The following TRERF1 variants were observed in gnomAD, a reference collection of about 807,000 sequenced individuals.
The protein encoded by TRERF1 is transcriptional-regulating factor 1.
Under a neutral mutation model 122.9 loss-of-function variants are expected in TRERF1, and 27 were observed. The ratio of observed to expected loss-of-function variants is 0.22; its 90% CI spans 0.16 to 0.30. TRERF1 has a LOEUF of 0.30. Ranked by LOEUF, TRERF1 falls within the 10% of genes least tolerant of loss-of-function variation. TRERF1 has a pLI of 1.00. For synonymous variants in TRERF1, 636 were observed against 641.7 expected (o/e 0.99, Z 0.13); for missense variants, 1,248 against 1,560.3 (o/e 0.80, Z 3.37).
At chr6:42,320,401 G>T (rs888244358) in intron 3 of TRERF1, among the ~76,000 whole-genome samples, 1 of 152,026 alleles carries the variant, frequency 6.6e-6, no homozygotes, top group Non-Finnish European at 1.5e-5. Context: ...TTCAAGAAGG[G>T]TTGAGATCAA....
chr6:42,236,001 C>T (rs1397306251), intron 16 of TRERF1, among the ~76,000 whole-genome samples: 3 of 152,228 alleles, frequency 2.0e-5, no homozygotes, highest in Non-Finnish European at 2.9e-5. Flanking sequence ...TTCTCCAACA[C>T]GCAGCATCAT....
chr6:42,411,945 A>G (rs1781149485), intron 2 of TRERF1, among the ~76,000 whole-genome samples: 1 of 149,858 alleles, frequency 6.7e-6, no homozygotes, highest in Admixed American at 6.6e-5. Flanking sequence ...TCTGTTTTTC[A>G]TTTGGGGATT....
At chr6:42,444,136 A>G (rs1787040847) in intron 2 of TRERF1, among the ~76,000 whole-genome samples, 1 of 146,074 alleles carries the variant, frequency 6.8e-6, no homozygotes, top group Admixed American at 6.8e-5. Context: ...AGTCCATGGG[A>G]TATTTTTTGT....
At chr6:42,319,892 A>T (rs1203828214) in intron 3 of TRERF1, among the ~76,000 whole-genome samples, 2 of 150,360 alleles carry the variant, frequency 1.3e-5, no homozygotes, top group Non-Finnish European at 3.0e-5. Flanking sequence ...ACATTATATC[A>T]TTATTATTTT....
intron 2 of TRERF1, among the ~76,000 whole-genome samples, chr6:42,430,050 C>T (rs1307699507): frequency 2.0e-5 from 3 of 151,540 alleles, no homozygotes; most frequent in South Asian, 2.1e-4. Context: ...CTGAGGCAAG[C>T]GCATACCAGA....
rs201817030 is a variant in TRERF1 at position 42,269,439 on chromosome 6, G to A, written c.152C>T (p.Ser51Leu). 4.8e-4 allele frequency: 779 copies of A among 1,614,166 alleles called. 1 individual carries two copies. The highest frequency in any genetic ancestry group is 6.1e-4 in the Non-Finnish European group (722 of 1,180,020). Residue 51 changes from serine to leucine, a missense_variant, in exon 5 of 18, where the codon TCG (serine) becomes TTG (leucine). This residue lies in a region of TRERF1 where 946 missense variants were observed against 1,073.0 expected (regional missense o/e 0.88). Coordinates refer to ENST00000372922, the Ensembl canonical transcript of TRERF1. This position sits in a 1 kb window ranked among gnomAD's most constrained non-coding sequence, Gnocchi z 4.9. ...TTGAGGGAAGTGGGGGGAGATTGGC[G>A]AGGCCTGAGGGGCATCCATTCCGCC...
chr6:42,289,724 G>A (rs1783972967), intron 4 of TRERF1, among the ~76,000 whole-genome samples: 1 of 152,162 alleles, frequency 6.6e-6, no homozygotes, highest in South Asian at 2.1e-4. Context: ...GTGTGAAATC[G>A]ACAGGCAGTG....
At chr6:42,248,072 T>C (rs1430646197) in intron 13 of TRERF1, among the ~76,000 whole-genome samples, 1 of 152,152 alleles carries the variant, frequency 6.6e-6, no homozygotes, top group East Asian at 1.9e-4. Flanking sequence ...TCTTTCTTTG[T>C]AGGGTTTGGC....
Position 42,268,677 on chromosome 6 carries a change from T to C in TRERF1, c.914A>G (p.Gln305Arg). The change falls in exon 5 of 18, where the codon CAG becomes CGG. Residue 305 changes from glutamine (Q) to arginine (R), a missense_variant. Gln to Arg is a conservative substitution (Grantham distance 43, BLOSUM62 1). Around this residue, in one of 5 missense-constraint regions of TRERF1, gnomAD observed 946 missense variants for 1,073.0 expected, o/e 0.88. Coordinates refer to ENST00000372922, the Ensembl canonical transcript of TRERF1. This position sits in a 1 kb window ranked among gnomAD's most constrained non-coding sequence, Gnocchi z 4.4. Reference sequence around the variant, plus strand: ...CTGTAGCTGCTGCGGCTGCTGCTGCTGTGGCGGCGGCTGTGGCTGTGATGG... The same window carrying C: ...CTGTAGCTGCTGCGGCTGCTGCTGCCGTGGCGGCGGCTGTGGCTGTGATGG... 6.2e-7 allele frequency: 1 copy of C among 1,614,146 alleles called. No individual in the cohort carries two copies. Among genetic ancestry groups the C allele is most frequent in the South Asian group, 1.1e-5 (1 of 91,078 alleles).
chr6:42,386,588 G>A (rs1158288429), intron 2 of TRERF1, among the ~76,000 whole-genome samples: 1 of 152,186 alleles, frequency 6.6e-6, no homozygotes, highest in Non-Finnish European at 1.5e-5. Flanking sequence ...CTGGATTAGA[G>A]AATTAATGTT....
chr6:42,309,047 C>A (rs949507841), intron 3 of TRERF1, among the ~76,000 whole-genome samples: 10 of 152,070 alleles, frequency 6.6e-5, no homozygotes, highest in Admixed American at 3.3e-4. Context: ...GCTTCCTGGG[C>A]CCTACCATTA....
chr6:42,435,286 G>GA (rs1218232638), intron 2 of TRERF1, among the ~76,000 whole-genome samples: 1 of 152,190 alleles, frequency 6.6e-6, no homozygotes, highest in Non-Finnish European at 1.5e-5. Flanking sequence ...GAATTGTCCA[G>GA]AAAACGGCTA....
At chr6:42,403,786 C>T (rs187224782) in intron 2 of TRERF1, among the ~76,000 whole-genome samples, 21 of 152,250 alleles carry the variant, frequency 1.4e-4, no homozygotes, top group South Asian at 1.0e-3. Flanking sequence ...ATTTTGTAAC[C>T]GGAGCTTATA....
chr6:42,300,172 C>A, intron 4 of TRERF1, among the ~76,000 whole-genome samples: 1 of 152,228 alleles, frequency 6.6e-6, no homozygotes, highest in East Asian at 1.9e-4. Context: ...ACAGAACTAA[C>A]AACTAACTGT....
intron 3 of TRERF1, among the ~76,000 whole-genome samples, chr6:42,304,763 C>CA (rs2150290833): frequency 6.6e-6 from 1 of 152,288 alleles, no homozygotes; most frequent in South Asian, 2.1e-4. Context: ...CTGTCTCTTG[C>CA]AAAATCACTC....
intron 2 of TRERF1, among the ~76,000 whole-genome samples, chr6:42,428,499 C>A (rs1390915899): frequency 2.0e-5 from 3 of 152,102 alleles, no homozygotes; most frequent in African/African-American, 7.2e-5. Flanking sequence ...AGGGTGAAAC[C>A]CCAGGTCTCC....
At chr6:42,339,149 C>A (rs147438231) in intron 3 of TRERF1, among the ~76,000 whole-genome samples, 1 of 152,368 alleles carries the variant, frequency 6.6e-6, no homozygotes, top group East Asian at 1.9e-4. Flanking sequence ...CACTGCTGAA[C>A]TGCAGGTCAA....
At chr6:42,409,074 C>A (rs1327313370) in intron 2 of TRERF1, among the ~76,000 whole-genome samples, 1 of 151,994 alleles carries the variant, frequency 6.6e-6, no homozygotes, top group Non-Finnish European at 1.5e-5. Flanking sequence ...GATAATTGAG[C>A]CCAGGAGTTC....
chr6:42,264,616 G>T, intron 7 of TRERF1, 88 bp downstream of exon 7: 1 of 1,544,712 alleles, frequency 6.5e-7, no homozygotes, highest in Non-Finnish European at 8.7e-7. Flanking sequence ...GGTCCCGCAT[G>T]GGGCTCACAT....
Sources: allele counts gnomAD v4.1 joint callset (sites outside exome capture counted in the v4.1 genomes callset), GRCh38; gene constraint gnomAD v4.1.1; regional missense constraint gnomAD v4.1.1; non-coding constraint Gnocchi (gnomAD v3.1); transcripts MANE v1.5; gene names NCBI Gene and HGNC (gene_info 2026-07-23, HGNC 2026-07-21).